Variants in CCSER1 observed in about 807,000 individuals in gnomAD.
CCSER1 encodes serine-rich coiled-coil domain-containing protein 1.
In CCSER1, 41 loss-of-function variants were observed where a neutral mutation model predicts 82.0. That is an observed-to-expected ratio of 0.50 (90% confidence interval 0.39 to 0.65). CCSER1 has a LOEUF of 0.65. Among genes scored for constraint, CCSER1 ranks in the 30% least tolerant of loss-of-function variants. The pLI is 0.00. For missense variants in CCSER1, 1,119 were observed against 1,064.2 expected (o/e 1.05, Z -0.72); for synonymous variants, 414 against 383.9 (o/e 1.08, Z -0.92).
chr4:90,914,996 CA>C lies in CCSER1; in HGVS notation c.2095-8373del, dbSNP rs1359107825. Among the ~76,000 whole-genome samples the C allele has an allele frequency of 7.2e-5, 11 of 152,254 alleles. No homozygotes were observed. In the East Asian group the frequency reaches 7.7e-4, roughly 11 times the overall value. ...GGTGAATCTCTGAATAGACCAATAACAGGCTCTGAAATTGAGGCAATAATTA... is the reference window on the plus strand; with the variant it reads ...GGTGAATCTCTGAATAGACCAATAACGGCTCTGAAATTGAGGCAATAATTA... On this transcript the variant is annotated intron_variant, in intron 8 of 10. Coordinates refer to ENST00000509176, the MANE Select transcript of CCSER1 (RefSeq NM_001145065.2).
chr4:90,460,373 A>G (rs1484230507), intron 4 of CCSER1, among the ~76,000 whole-genome samples: 1 of 150,536 alleles, frequency 6.6e-6, no homozygotes, highest in African/African-American at 2.5e-5. Context: ...CTGAGATTAA[A>G]TGGGTCAAAA....
chr4:91,408,524 T>A (rs1752839896), intron 10 of CCSER1, among the ~76,000 whole-genome samples: 1 of 152,224 alleles, frequency 6.6e-6, no homozygotes, highest in Non-Finnish European at 1.5e-5. Flanking sequence ...TAATACTGAA[T>A]CCTCAGACTG....
chr4:91,469,469 C>T lies in CCSER1; in HGVS notation c.2218-129103C>T, dbSNP rs567889554. On this transcript the variant is annotated intron_variant, in intron 10 of 10. Coordinates refer to ENST00000509176, the MANE Select transcript of CCSER1 (RefSeq NM_001145065.2). ...ACCTATCAACCACTGTGTGTTCACT[C>T]TGTTTCCTCTCTTGGGGCACCCCAA... 2.6e-5 allele frequency among the ~76,000 whole-genome samples: 4 copies of T among 152,292 alleles called. No homozygotes were observed. The South Asian group carries it at 6.2e-4, about 24-fold the overall frequency.
At chr4:91,348,405 T>C (rs758937292) in intron 10 of CCSER1, among the ~76,000 whole-genome samples, 18 of 152,176 alleles carry the variant, frequency 1.2e-4, no homozygotes, top group Non-Finnish European at 2.5e-4. Flanking sequence ...TATGCATCTA[T>C]GTTCCTGAGA....
At chr4:91,448,281 C>T (rs895868477) in intron 10 of CCSER1, among the ~76,000 whole-genome samples, 7 of 152,104 alleles carry the variant, frequency 4.6e-5, no homozygotes, top group African/African-American at 1.4e-4. Context: ...TCAGCACACA[C>T]ACATTATTCT....
At chr4:91,382,600 T>A (rs1193854392) in intron 10 of CCSER1, among the ~76,000 whole-genome samples, 1 of 152,150 alleles carries the variant, frequency 6.6e-6, no homozygotes, top group African/African-American at 2.4e-5. Context: ...CCAGGTGCCA[T>A]CTGCCACAGC....
intron 10 of CCSER1, among the ~76,000 whole-genome samples, chr4:91,204,471 T>A (rs563666187): frequency 1.3e-5 from 2 of 152,026 alleles, no homozygotes; most frequent in African/African-American, 4.8e-5. Flanking sequence ...CCCCCCAAAA[T>A]ATGTATGTAT....
intron 9 of CCSER1, among the ~76,000 whole-genome samples, chr4:91,051,575 A>G (rs1003166630): frequency 3.3e-5 from 5 of 152,088 alleles, no homozygotes; most frequent in African/African-American, 1.2e-4. Context: ...TATTTTCAGC[A>G]TTGTTTAAAG....
intron 1 of CCSER1, among the ~76,000 whole-genome samples, chr4:90,257,002 C>A (rs182811122): frequency 6.6e-6 from 1 of 151,642 alleles, no homozygotes; most frequent in African/African-American, 2.4e-5. Context: ...TATGACATTC[C>A]GTACTATCTG....
intron 10 of CCSER1, among the ~76,000 whole-genome samples, chr4:91,161,117 A>G (rs1034248194): frequency 2.0e-5 from 3 of 152,168 alleles, no homozygotes; most frequent in African/African-American, 7.2e-5. Context: ...AGCTTTCCAC[A>G]TATGGCTAAC....
intron 8 of CCSER1, among the ~76,000 whole-genome samples, chr4:90,821,013 A>G (rs1051505490): frequency 6.6e-6 from 1 of 152,128 alleles, no homozygotes; most frequent in African/African-American, 2.4e-5. Context: ...CAATGTGTTT[A>G]ATGGTTTTCA....
chr4:91,108,259 A>T (rs1422686348), intron 10 of CCSER1, among the ~76,000 whole-genome samples: 1 of 152,228 alleles, frequency 6.6e-6, no homozygotes, highest in Admixed American at 6.5e-5. Flanking sequence ...TAAGCTATAG[A>T]GACAGGGATC....
intron 10 of CCSER1, among the ~76,000 whole-genome samples, chr4:91,482,124 C>T (rs1455514062): frequency 4.6e-5 from 7 of 152,018 alleles, no homozygotes; most frequent in African/African-American, 1.2e-4. Flanking sequence ...GGAAACGGGC[C>T]GGGCGCGGTG....
chr4:90,410,959 C>T (rs1160236205), intron 4 of CCSER1, among the ~76,000 whole-genome samples: 1 of 152,186 alleles, frequency 6.6e-6, no homozygotes, highest in Non-Finnish European at 1.5e-5. Context: ...ACTGATCCCA[C>T]AGAAATACAA....
chr4:91,075,178 AT>A (rs34000064), intron 9 of CCSER1, among the ~76,000 whole-genome samples: 44 of 148,814 alleles, frequency 3.0e-4, no homozygotes, highest in African/African-American at 6.9e-4. Context: ...AGGAAGTTCT[AT>A]TTTTTTTTTT....
intron 3 of CCSER1, among the ~76,000 whole-genome samples, chr4:90,328,692 C>T (rs1738668778): frequency 6.6e-6 from 1 of 152,122 alleles, no homozygotes; most frequent in African/African-American, 2.4e-5. Context: ...ACAGATGTTG[C>T]CCACTTCTGC....
Position 91,228,678 on chromosome 4 carries a change from A to G in CCSER1, c.2217+142684A>G, listed in dbSNP as rs72875148. Among the ~76,000 whole-genome samples the G allele has an allele frequency of 6.5e-3, 982 of 152,208 alleles. 10 individuals carry two copies. The highest frequency in any genetic ancestry group is 0.022 in the African/African-American group (915 of 41,564). On this transcript the variant is annotated intron_variant, in intron 10 of 10. Transcript: ENST00000509176. ...AAGCCTGGACTATAAACACTTTTGT[A>G]TTGTTTGATTTCTGATTACAGATGG...
chr4:91,460,760 A>G (rs1578514616), intron 10 of CCSER1, among the ~76,000 whole-genome samples: 1 of 152,172 alleles, frequency 6.6e-6, no homozygotes, highest in Non-Finnish European at 1.5e-5. Context: ...GAGTGGCCTT[A>G]CACTTTCATC....
intron 5 of CCSER1, among the ~76,000 whole-genome samples, chr4:90,484,788 T>TG (rs941224698): frequency 1.6e-4 from 25 of 152,186 alleles, no homozygotes; most frequent in Non-Finnish European, 3.4e-4. Flanking sequence ...CTGCCCCTAC[T>TG]GGGGGGTTCC....
Sources: gnomAD v4.1 joint callset for allele counts (sites outside exome capture counted in the v4.1 genomes callset) on GRCh38, gnomAD v4.1.1 for gene constraint, MANE v1.5 for transcripts, NCBI Gene and HGNC (gene_info 2026-07-23, HGNC 2026-07-21) for gene names.